DNAH17: variants seen among roughly 807,000 people sequenced by gnomAD.
DNAH17 encodes the protein axonemal beta dynein heavy chain 17.
Under a neutral mutation model 485.6 loss-of-function variants are expected in DNAH17, and 376 were observed. The observed-to-expected ratio is 0.77, with a 90% CI of 0.71 to 0.84. The LOEUF is 0.84. DNAH17 is among the 40% of genes least tolerant of loss of function. The probability of loss-of-function intolerance (pLI) is 0.00; values close to 1 mark genes in which losing one functional copy is unlikely to be tolerated. For missense variants in DNAH17, 6,370 were observed against 5,839.3 expected (o/e 1.09, Z -2.96); for synonymous variants, 3,031 against 2,405.9 (o/e 1.26, Z -7.60).
chr17:78,428,995 ATCC>A, intron 76 of DNAH17, 123 bp downstream of exon 76: 1 of 987,330 alleles, frequency 1.0e-6, no homozygotes, highest in East Asian at 2.4e-5. Context: ...CGCATTTCTC[ATCC>A]TCTCTTATTT....
At chr17:78,524,176 C>T (rs1262370678) in intron 25 of DNAH17, among the ~76,000 whole-genome samples, 3 of 152,126 alleles carry the variant, frequency 2.0e-5, no homozygotes, top group Admixed American at 6.5e-5. Context: ...CTCACTCTAT[C>T]GCCCAGGCTG....
At chr17:78,520,461 T>C (rs2090906362) in intron 25 of DNAH17, among the ~76,000 whole-genome samples, 1 of 152,174 alleles carries the variant, frequency 6.6e-6, no homozygotes, top group Non-Finnish European at 1.5e-5. Context: ...ATTGTCTATG[T>C]ACAAAATCCC....
At chr17:78,528,812 A>C (rs1258577375) in intron 22 of DNAH17, among the ~76,000 whole-genome samples, 1 of 152,042 alleles carries the variant, frequency 6.6e-6, no homozygotes, top group Non-Finnish European at 1.5e-5. Context: ...CGCAGCTGCC[A>C]GCCCCGCCCC....
intron 48 of DNAH17, 129 bp downstream of exon 48, chr17:78,484,739 A>ACCCCCCAGGC: frequency 1.2e-5 from 4 of 347,796 alleles, no homozygotes; most frequent in South Asian, 4.2e-5. Flanking sequence ...ACGTTGCAGC[A>ACCCCCCAGGC]CCCCCCCCAC....
Position 78,503,723 on chromosome 17 carries a change from T to C in DNAH17, c.4957-712A>G, listed in dbSNP as rs926431849. ...GCTCATGTCTGTAATCCCAGCACTT[T>C]GGGAGGCTGAGGCGGGTGGATCACC... is the stretch of plus-strand genomic sequence containing the variant. On this transcript the variant is annotated intron_variant, in intron 31 of 80. Transcript: ENST00000389840. Among the ~76,000 whole-genome samples the C allele has an allele frequency of 2.6e-5, 4 of 151,984 alleles. No homozygotes were observed. The East Asian group carries it at 7.8e-4, about 30-fold the overall frequency.
intron 21 of DNAH17, 131 bp from the exon 22 acceptor site, chr17:78,529,825 G>A: frequency 3.4e-6 from 3 of 879,514 alleles, no homozygotes; most frequent in African/African-American, 1.7e-5. Context: ...CAGGTGGGGA[G>A]GGAGCGCCCC....
rs963082315 is a variant in DNAH17 at position 78,494,725 on chromosome 17, C to T, written c.6138G>A (p.Val2046=). Residue 2046 remains valine, a synonymous_variant, in exon 40 of 81, where the codon GTG becomes GTA. Coordinates refer to ENST00000389840, the MANE Select transcript of DNAH17 (RefSeq NM_173628.4). ...TGAAGTCTCTCAGCGCCCGCATGAG[C>T]ACCTGGTCCTCTGCCCGGCTGGGGT... is the stretch of plus-strand genomic sequence containing the variant. ...RGDPSRAEDQ[V]LMRALRDFNI... 3 of 1,613,856 alleles carry T rather than the reference C, an allele frequency of 1.9e-6. No homozygotes were observed. Among genetic ancestry groups the T allele is most frequent in the Non-Finnish European group, 2.5e-6 (3 of 1,179,884 alleles).
chr17:78,438,980 A>G, intron 73 of DNAH17, 110 bp downstream of exon 73: 1 of 1,443,922 alleles, frequency 6.9e-7, no homozygotes, highest in Admixed American at 2.6e-5. Context: ...TTCCACCCAC[A>G]TTTCTGAATG....
intron 58 of DNAH17, 94 bp from the exon 59 acceptor site, chr17:78,460,351 T>TAC: frequency 2.0e-6 from 2 of 1,000,502 alleles, no homozygotes; most frequent in Non-Finnish European, 3.0e-6. Context: ...TGTGCATGTG[T>TAC]GTGCATGTAT....
In DNAH17 at chr17:78,575,031, T is replaced by TAG; in HGVS notation, c.25_26dup (p.Glu10Ter). On this transcript the variant is annotated frameshift_variant, in exon 2 of 81. Coordinates refer to ENST00000389840, the MANE Select transcript of DNAH17 (RefSeq NM_173628.4). LOFTEE classifies it high-confidence loss of function. ...TGGAGGCAACTTCCTCCAGATACTC[T>TAG]AGTCTGACGTCCGGGGCCATTGTCA... 2 of 1,613,682 alleles carry TAG rather than the reference T, an allele frequency of 1.2e-6. No homozygotes were observed. Among genetic ancestry groups the TAG allele is most frequent in the South Asian group, 2.2e-5 (2 of 91,040 alleles).
chr17:78,424,240 C>T lies in DNAH17; in HGVS notation c.13142-87G>A, dbSNP rs569037163. ...GGAAGGGTGGGGTCCTCACACTCCC[C>T]GCCCTCTGCAGAGCTGGGCTCTACC... On this transcript the variant is annotated intron_variant, in intron 80 of 80. Transcript: ENST00000389840. 552 of 1,484,166 alleles carry T rather than the reference C, an allele frequency of 3.7e-4. 2 individuals carry two copies. In the African/African-American group the frequency reaches 4.3e-3, roughly 12 times the overall value. 91.9% of individuals were successfully genotyped at this position (1,484,166 alleles called of 1,614,324 possible). A position where few individuals can be genotyped will look rare whatever the true frequency, so the allele number is the denominator to read the frequency against.
At chr17:78,427,999 C>G (rs1047676997) in intron 77 of DNAH17, among the ~76,000 whole-genome samples, 4 of 150,300 alleles carry the variant, frequency 2.7e-5, no homozygotes, top group African/African-American at 9.8e-5. Flanking sequence ...GTGGAGGTAC[C>G]CAGGAGGCAG....
intron 2 of DNAH17, among the ~76,000 whole-genome samples, chr17:78,573,821 A>G (rs1257427677): frequency 6.6e-6 from 1 of 152,032 alleles, no homozygotes; most frequent in Non-Finnish European, 1.5e-5. Flanking sequence ...GACTGTGAGA[A>G]AATGTCTGGT....
rs571680606 is a variant in DNAH17 at position 78,491,487 on chromosome 17, G to A, written c.6625C>T (p.Pro2209Ser). Residue 2209 changes from proline to serine, a missense_variant, in exon 43 of 81, where the codon CCC (proline) becomes TCC (serine). Transcript: ENST00000389840. ...KWIILDGDID[P>S]MWIESLNTVM... ...GTGTTGAGAGACTCGATCCACATGG[G>A]GTCTATGTCTCCGTCAAGGATGATC... 72 of 1,613,524 alleles carry A rather than the reference G, an allele frequency of 4.5e-5. No individual in the cohort carries two copies. The highest frequency in any genetic ancestry group is 5.7e-5 in the Non-Finnish European group (67 of 1,179,758).
chr17:78,539,659 T>C (rs1376622786), intron 18 of DNAH17, 78 bp downstream of exon 18: 2 of 1,232,320 alleles, frequency 1.6e-6, no homozygotes, highest in African/African-American at 3.1e-5. Flanking sequence ...AGCCTGTTCA[T>C]CAAGAAACTA....
intron 41 of DNAH17, 98 bp from the exon 42 acceptor site, chr17:78,492,863 T>C: frequency 9.6e-7 from 1 of 1,044,268 alleles, no homozygotes; most frequent in South Asian, 1.8e-5. Context: ...TGGTTTTTTT[T>C]TTTTTGAGAT....
chr17:78,487,721 C>T (rs1459352945), intron 44 of DNAH17, among the ~76,000 whole-genome samples: 1 of 152,070 alleles, frequency 6.6e-6, no homozygotes, highest in African/African-American at 2.4e-5. Flanking sequence ...GACAGGGTTT[C>T]GCCACGTTGG....
Position 78,538,527 on chromosome 17 carries a change from G to T in DNAH17, c.2677-1046C>A, listed in dbSNP as rs1332842488. Among the ~76,000 whole-genome samples, 3 of 152,192 alleles carry T rather than the reference G, an allele frequency of 2.0e-5. No individual in the cohort carries two copies. In the East Asian group the frequency reaches 5.8e-4, roughly 29 times the overall value. Reference sequence around the variant, plus strand: ...CCAATTTGTCTATGAGCAGGAGGGGGCTGTATCAGTATCTGAGTGAGGTGC... The same window carrying T: ...CCAATTTGTCTATGAGCAGGAGGGGTCTGTATCAGTATCTGAGTGAGGTGC... On this transcript the variant is annotated intron_variant, in intron 18 of 80. Coordinates refer to ENST00000389840, the MANE Select transcript of DNAH17 (RefSeq NM_173628.4).
chr17:78,451,501 C>T lies in DNAH17; in HGVS notation c.10702G>A (p.Ala3568Thr), dbSNP rs142953455. The T allele has an allele frequency of 3.1e-6, 5 of 1,612,834 alleles. No individual in the cohort carries two copies. In the African/African-American group the frequency reaches 5.3e-5, roughly 17 times the overall value. The change falls in exon 66 of 81, where the codon GCC (alanine) becomes ACC (threonine). Residue 3568 changes from alanine (A) to threonine (T), a missense_variant. Transcript: ENST00000389840. ...TGTTCCAGATCTGGGCGCTCTTTGG[C>T]CACCACAGCGGCCAAGAGTTGGTCC... is the stretch of plus-strand genomic sequence containing the variant. Reference protein sequence around the residue: ...LEDQLLAAVVAKERPDLEQLK... With the variant: ...LEDQLLAAVVTKERPDLEQLK...
Sources: gnomAD v4.1 joint callset for allele counts (sites outside exome capture counted in the v4.1 genomes callset) on GRCh38, gnomAD v4.1.1 for gene constraint, MANE v1.5 for transcripts, NCBI Gene and HGNC (gene_info 2026-07-23, HGNC 2026-07-21) for gene names.